The following SV2B variants were observed in gnomAD, a reference collection of about 807,000 sequenced individuals.
SV2B encodes the protein solute carrier family 22 member B2.
SV2B carries 41 observed loss-of-function variants against 73.9 expected under a neutral mutation model. The ratio of observed to expected loss-of-function variants is 0.56; its 90% CI spans 0.43 to 0.72. SV2B has a LOEUF of 0.72. Among genes scored for constraint, SV2B ranks in the 30% least tolerant of loss-of-function variants. The pLI, the probability that SV2B is intolerant of heterozygous loss-of-function variation, is 0.00. For missense variants in SV2B, 764 were observed against 857.8 expected (o/e 0.89, Z 1.37); for synonymous variants, 314 against 314.2 (o/e 1.00, Z 0.01).
chr15:91,260,192 A>G (rs969438818), intron 5 of SV2B, 128 bp from the exon 6 acceptor site: 9 of 746,506 alleles, frequency 1.2e-5, no homozygotes, highest in African/African-American at 7.1e-5. Flanking sequence ...TCCATGTGCA[A>G]TTGCCTCAGA....
At position 91,130,541 on chromosome 15, in the gene SV2B, AAGG is replaced by A. The variant is rs1188147413; in HGVS notation, c.-392+30181_-392+30183del. Among the ~76,000 whole-genome samples the A allele has an allele frequency of 1.3e-5, 2 of 151,978 alleles. No individual in the cohort carries two copies. The highest frequency in any genetic ancestry group is 2.9e-5 in the Non-Finnish European group (2 of 67,978). Reference sequence around the variant, plus strand: ...AGAGAAGCAGCTGCATTTGGGGAGGAAGGAGAAGAGTCAGGAGAAAGCTGGTGT... The same window carrying A: ...AGAGAAGCAGCTGCATTTGGGGAGGAAGAAGAGTCAGGAGAAAGCTGGTGT... On this transcript the variant is annotated intron_variant, in intron 1 of 12. Coordinates refer to ENST00000394232, the MANE Select transcript of SV2B (RefSeq NM_001323032.3). The surrounding 1 kb of genome is among the most constrained non-coding windows in gnomAD (Gnocchi z 5.6).
Position 91,174,395 on chromosome 15 carries a change from G to T in SV2B, c.-391-51478G>T, listed in dbSNP as rs191409318. 3.3e-3 allele frequency among the ~76,000 whole-genome samples: 504 copies of T among 152,240 alleles called. 4 individuals carry two copies. Among genetic ancestry groups the T allele is most frequent in the Non-Finnish European group, 4.8e-3 (326 of 68,030 alleles). On this transcript the variant is annotated intron_variant, in intron 1 of 12. Coordinates refer to ENST00000394232, the MANE Select transcript of SV2B (RefSeq NM_001323032.3). The stretch of plus-strand genomic sequence containing the variant: ...TGTGATAGTTATGTAAACTGTTTGA[G>T]AGTGCTTAGTAGGTATTCTATTCAT...
intron 2 of SV2B, among the ~76,000 whole-genome samples, chr15:91,233,831 G>C (rs115544177): frequency 0.011 from 1,751 of 152,290 alleles, 36 homozygotes; most frequent in African/African-American, 0.04. Context: ...CCTGTAACTA[G>C]AGTCAAGTCC....
intron 1 of SV2B, among the ~76,000 whole-genome samples, chr15:91,109,745 A>T (rs528757837): frequency 8.1e-4 from 123 of 152,196 alleles, no homozygotes; most frequent in African/African-American, 2.7e-3. Context: ...AATTAAAAAA[A>T]TTTTTTTGGT....
intron 1 of SV2B, among the ~76,000 whole-genome samples, chr15:91,114,840 A>T (rs998508825): frequency 1.3e-5 from 2 of 152,038 alleles, no homozygotes; most frequent in Admixed American, 1.3e-4. Context: ...GGAAGTTCCC[A>T]CTCTGTCTGT....
At position 91,268,801 on chromosome 15, in the gene SV2B, C is replaced by T. The variant is rs2048196893; in HGVS notation, c.1373+196C>T. ...TGGCTGTGTCTGTGTTGTGCTGGCT[C>T]CCCGACACCCTAATCTCCTGGTGAG... On this transcript the variant is annotated intron_variant, in intron 9 of 12. Transcript: ENST00000394232. This position sits in a 1 kb window ranked among gnomAD's most constrained non-coding sequence, Gnocchi z 4.4. Among the ~76,000 whole-genome samples the T allele has an allele frequency of 6.6e-6, 1 of 152,172 alleles. No homozygotes were observed. The highest frequency in any genetic ancestry group is 1.5e-5 in the Non-Finnish European group (1 of 68,036).
chr15:91,248,829 G>C (rs993449587), intron 2 of SV2B, among the ~76,000 whole-genome samples: 2 of 152,154 alleles, frequency 1.3e-5, no homozygotes, highest in Non-Finnish European at 2.9e-5. Context: ...TTTGAGAAGT[G>C]CTGAAGACAG....
rs986045494 is a variant in SV2B at position 91,268,529 on chromosome 15, G to A, written c.1297G>A (p.Glu433Lys). 1.9e-5 allele frequency: 31 copies of A among 1,613,822 alleles called. No homozygotes were observed. Among genetic ancestry groups the A allele is most frequent in the Admixed American group, 3.3e-5 (2 of 59,984 alleles). The change falls in exon 9 of 13, where the codon GAG (glutamate) becomes AAG (lysine). Residue 433 changes from glutamate to lysine, a missense_variant. Glu to Lys is a moderately conservative substitution (Grantham distance 56). Transcript: ENST00000394232. This position sits in a 1 kb window ranked among gnomAD's most constrained non-coding sequence, Gnocchi z 4.4. ...YKSKMKVFFG[E>K]HVYGATINFT... ...GTCTAAAATGAAGGTGTTTTTTGGT[G>A]AGCATGTGTACGGCGCCACAATCAA...
chr15:91,199,568 G>A (rs539561357), intron 1 of SV2B, among the ~76,000 whole-genome samples: 63 of 152,306 alleles, frequency 4.1e-4, no homozygotes, highest in Non-Finnish European at 1.8e-4. Context: ...CTTGGGGCAG[G>A]GCAAATGCTT....
chr15:91,284,846 A>G lies in SV2B; in HGVS notation c.1708+625A>G, dbSNP rs142443797. Among the ~76,000 whole-genome samples the G allele has an allele frequency of 2.0e-5, 3 of 152,204 alleles. No individual in the cohort carries two copies. Among genetic ancestry groups the G allele is most frequent in the African/African-American group, 7.2e-5 (3 of 41,442 alleles). On this transcript the variant is annotated intron_variant, in intron 11 of 12. Transcript: ENST00000394232. This position sits in a 1 kb window ranked among gnomAD's most constrained non-coding sequence, Gnocchi z 4.5. ...GTTCTCAAAAATGGTAGCTATATTC[A>G]TGTATGCCTTGCCTCATTCCATCGG... is the stretch of plus-strand genomic sequence containing the variant.
At chr15:91,291,417 C>T (rs1334679085) in intron 12 of SV2B, among the ~76,000 whole-genome samples, 2 of 151,742 alleles carry the variant, frequency 1.3e-5, no homozygotes, top group Non-Finnish European at 2.9e-5. Context: ...AAAAATATAC[C>T]CACACTCTTA....
rs2042875722 is a variant in SV2B at position 91,137,609 on chromosome 15, T to TATATATATTTCACATATAC, written c.-392+37258_-392+37259insCATATACATATATATTTCA. ...ATTTCTCATATATATATATATTTCA[T>TATATATATTTCACATATAC]ATATATATTTCATATATACATATAT... On this transcript the variant is annotated intron_variant, in intron 1 of 12. Coordinates refer to ENST00000394232, the MANE Select transcript of SV2B (RefSeq NM_001323032.3). The surrounding 1 kb of genome is among the most constrained non-coding windows in gnomAD (Gnocchi z 4.9). 4.3e-5 allele frequency among the ~76,000 whole-genome samples: 6 copies of TATATATATTTCACATATAC among 138,222 alleles called. No individual in the cohort carries two copies. The highest frequency in any genetic ancestry group is 2.9e-4 in the Admixed American group (4 of 13,680). The allele number at this position is 138,222 out of a possible 152,430, so 90.7% of individuals were successfully genotyped here. A position where few individuals can be genotyped will look rare whatever the true frequency, so the allele number is the denominator to read the frequency against.
Position 91,288,468 on chromosome 15 carries a change from T to C in SV2B, c.1709-1053T>C, listed in dbSNP as rs563920954. 5.9e-5 allele frequency among the ~76,000 whole-genome samples: 9 copies of C among 152,292 alleles called. No homozygotes were observed. The East Asian group carries it at 1.5e-3, about 26-fold the overall frequency. ...TACAATACATTGTTAGTAACTGTAG[T>C]CACCGTGCTGTGTAGTAGATCTCGA... On this transcript the variant is annotated intron_variant, in intron 11 of 12. Transcript: ENST00000394232. This position sits in a 1 kb window ranked among gnomAD's most constrained non-coding sequence, Gnocchi z 5.8.
chr15:91,221,850 C>T lies in SV2B; in HGVS notation c.-391-4023C>T, dbSNP rs75545948. On this transcript the variant is annotated intron_variant, in intron 1 of 12. Transcript: ENST00000394232. ...CCCTGCTGCACTGCACTGCTGTGTC[C>T]AGTTTAACAACCTTCACTGGCTCTC... Among the ~76,000 whole-genome samples the T allele has an allele frequency of 0.011, 1,657 of 152,262 alleles. 44 individuals are homozygous for T. In the East Asian group the frequency reaches 0.12, roughly 11 times the overall value.
chr15:91,241,704 G>A lies in SV2B; in HGVS notation c.452-10115G>A, dbSNP rs11638996. ...ATTCTTGTGACAGTGGAGGAGGTGT[G>A]AGGCTCACTGGTCTCCCTGTATCCC... On this transcript the variant is annotated intron_variant, in intron 2 of 12. Coordinates refer to ENST00000394232, the MANE Select transcript of SV2B (RefSeq NM_001323032.3). The surrounding 1 kb of genome is among the most constrained non-coding windows in gnomAD (Gnocchi z 4.8). Among the ~76,000 whole-genome samples, 41,185 of 151,970 alleles carry A rather than the reference G, an allele frequency of 0.27. 7,744 individuals are homozygous for A. The highest frequency in any genetic ancestry group is 0.54 in the African/African-American group (22,287 of 41,406).
At position 91,249,068 on chromosome 15, in the gene SV2B, T is replaced by TCACACACACACACA. The variant is rs59552488; in HGVS notation, c.452-2724_452-2711dup. ...TGCATGCATCCATACATCTACGTTT[T>TCACACACACACACA]CACACACACACACACACACACACAC... On this transcript the variant is annotated intron_variant, in intron 2 of 12. Transcript: ENST00000394232. 4.1e-3 allele frequency among the ~76,000 whole-genome samples: 579 copies of TCACACACACACACA among 142,082 alleles called. 7 individuals are homozygous for TCACACACACACACA. The highest frequency in any genetic ancestry group is 0.012 in the Middle Eastern group (3 of 260). 93.2% of individuals were successfully genotyped at this position (142,082 alleles called of 152,430 possible).
chr15:91,281,727 G>A lies in SV2B; in HGVS notation c.1374-1G>A. 6.3e-7 allele frequency: 1 copy of A among 1,593,584 alleles called. No homozygotes were observed. Among genetic ancestry groups the A allele is most frequent in the Non-Finnish European group, 8.6e-7 (1 of 1,166,292 alleles). ...ACTCAAGGGTCAACCTCTTCCCACAGGTTCACAAGAATGTACTTTAAACAT... is the reference window on the plus strand; with the variant it reads ...ACTCAAGGGTCAACCTCTTCCCACAAGTTCACAAGAATGTACTTTAAACAT... On this transcript the variant is annotated splice_acceptor_variant, in intron 9 of 12. Transcript: ENST00000394232. LOFTEE classifies it high-confidence loss of function. The surrounding 1 kb of genome is among the most constrained non-coding windows in gnomAD (Gnocchi z 4.7).
At chr15:91,272,183 A>G (rs145836560) in intron 9 of SV2B, among the ~76,000 whole-genome samples, 65 of 152,310 alleles carry the variant, frequency 4.3e-4, no homozygotes, top group African/African-American at 1.4e-3. Flanking sequence ...TTTTGCTTCA[A>G]AACCTGTGAG....
At position 91,266,678 on chromosome 15, in the gene SV2B, A is replaced by G; in HGVS notation, c.1105A>G (p.Thr369Ala). ...CCAGCGCTGGCTGGTCAGATTCAAG[A>G]CCATTTTCAAGCAGGTATGATTGGG... ...WYQRWLVRFKTIFKQVWDNAL... is the reference protein window; with the variant it reads ...WYQRWLVRFKAIFKQVWDNAL... Residue 369 changes from threonine to alanine, a missense_variant, in exon 7 of 13, where the codon ACC becomes GCC. Physicochemically the swap from Thr to Ala is moderately conservative, Grantham distance 58 (BLOSUM62 0). Coordinates refer to ENST00000394232, the MANE Select transcript of SV2B (RefSeq NM_001323032.3). 1 of 1,613,644 alleles carries G rather than the reference A, an allele frequency of 6.2e-7. No homozygotes were observed. Among genetic ancestry groups the G allele is most frequent in the Non-Finnish European group, 8.5e-7 (1 of 1,179,724 alleles).
Sources: gnomAD v4.1 joint callset for allele counts (sites outside exome capture counted in the v4.1 genomes callset) on GRCh38, gnomAD v4.1.1 for gene constraint, Gnocchi (gnomAD v3.1) non-coding constraint, MANE v1.5 for transcripts, NCBI Gene and HGNC (gene_info 2026-07-23, HGNC 2026-07-21) for gene names.